Variants in DLG2 observed in about 807,000 individuals in gnomAD.
The protein encoded by DLG2 is discs large MAGUK scaffold protein 2.
DLG2 carries 45 observed loss-of-function variants against 132.5 expected under a neutral mutation model. The ratio of observed to expected loss-of-function variants is 0.34; its 90% confidence interval spans 0.27 to 0.44. The LOEUF (loss-of-function observed/expected upper bound fraction) is 0.44, where lower values mean the gene tolerates loss of function less well. DLG2 is among the 20% of genes least tolerant of loss of function. The pLI is 1.00. For synonymous variants in DLG2, 424 were observed against 419.6 expected, an observed-to-expected ratio of 1.01 and a Z score of -0.13; for missense variants, 1,045 against 1,196.9, an observed-to-expected ratio of 0.87 and a Z score of 1.87.
intron 6 of DLG2, among the ~76,000 whole-genome samples, chr11:84,614,361 G>A (rs549541727): frequency 3.9e-5 from 6 of 152,144 alleles, no homozygotes; most frequent in Non-Finnish European, 8.8e-5. Flanking sequence ...AGAAGAAACC[G>A]TGTGGGCAAA....
chr11:84,545,559 G>T, intron 6 of DLG2: 1 of 385,124 alleles, frequency 2.6e-6, no homozygotes, highest in South Asian at 2.2e-5. Context: ...TGAATTTACT[G>T]AACACTCTTT....
chr11:83,547,373 G>C (rs540585703), intron 19 of DLG2, among the ~76,000 whole-genome samples: 1 of 152,192 alleles, frequency 6.6e-6, no homozygotes, highest in African/African-American at 2.4e-5. Context: ...TAAGGTTAAG[G>C]ATCTTGAGAA....
chr11:83,883,015 G>A (rs1004393073), intron 15 of DLG2, among the ~76,000 whole-genome samples: 7 of 152,086 alleles, frequency 4.6e-5, no homozygotes, highest in African/African-American at 1.4e-4. Flanking sequence ...GTTAAATGAC[G>A]AACATGGCAG....
chr11:84,259,520 A>C (rs2097526691), intron 7 of DLG2, among the ~76,000 whole-genome samples: 1 of 152,118 alleles, frequency 6.6e-6, no homozygotes, highest in African/African-American at 2.4e-5. Flanking sequence ...AGTGCTGAAT[A>C]AACTATGTGA....
intron 19 of DLG2, among the ~76,000 whole-genome samples, chr11:83,545,357 ATAT>A (rs1421228973): frequency 6.6e-6 from 1 of 152,172 alleles, no homozygotes; most frequent in Non-Finnish European, 1.5e-5. Flanking sequence ...TAAATGTAAG[ATAT>A]TATTATAATA....
chr11:83,911,597 G>A (rs2076061178), intron 15 of DLG2, among the ~76,000 whole-genome samples: 1 of 151,984 alleles, frequency 6.6e-6, no homozygotes, highest in Admixed American at 6.6e-5. Flanking sequence ...CATCTCATGT[G>A]TTACTGCTAG....
intron 19 of DLG2, among the ~76,000 whole-genome samples, chr11:83,589,498 C>T (rs1416688694): frequency 6.6e-6 from 1 of 152,006 alleles, no homozygotes; most frequent in Non-Finnish European, 1.5e-5. Context: ...AAGCACTAAA[C>T]ATGGAAAGGA....
At chr11:85,123,168 G>A (rs1391758626) in intron 5 of DLG2, among the ~76,000 whole-genome samples, 1 of 150,728 alleles carries the variant, frequency 6.6e-6, no homozygotes, top group Non-Finnish European at 1.5e-5. Context: ...TAGTGAAAAC[G>A]GGGTTTCACC....
intron 15 of DLG2, among the ~76,000 whole-genome samples, chr11:83,919,684 G>A (rs1462014090): frequency 6.6e-6 from 1 of 152,274 alleles, no homozygotes; most frequent in Admixed American, 6.5e-5. Flanking sequence ...TGAATTTAAT[G>A]CCTGTTTGGG....
chr11:85,063,792 G>A (rs1168307899), intron 6 of DLG2, among the ~76,000 whole-genome samples: 1 of 151,750 alleles, frequency 6.6e-6, no homozygotes, highest in East Asian at 1.9e-4. Flanking sequence ...GCAATGATTT[G>A]TAGTACTTGT....
intron 7 of DLG2, among the ~76,000 whole-genome samples, chr11:84,297,374 G>A (rs1297193503): frequency 6.6e-6 from 1 of 152,032 alleles, no homozygotes; most frequent in Non-Finnish European, 1.5e-5. Context: ...TTTGACTCCA[G>A]GAAGAGATAT....
chr11:85,024,763 C>T (rs1341575444), intron 6 of DLG2, among the ~76,000 whole-genome samples: 1 of 152,184 alleles, frequency 6.6e-6, no homozygotes, highest in Non-Finnish European at 1.5e-5. Context: ...TTTCTGCAAA[C>T]ACTTTTTTTC....
intron 13 of DLG2, among the ~76,000 whole-genome samples, chr11:83,963,576 T>C (rs2089434203): frequency 6.6e-6 from 1 of 151,950 alleles, no homozygotes; most frequent in Non-Finnish European, 1.5e-5. Flanking sequence ...CTCCTTTCTC[T>C]CTCCTCAAAT....
chr11:84,784,264 G>A (rs989122184), intron 6 of DLG2, among the ~76,000 whole-genome samples: 2 of 147,920 alleles, frequency 1.4e-5, no homozygotes, highest in African/African-American at 5.0e-5. Context: ...AGGTTTCAGT[G>A]AGCCGAGATT....
At chr11:84,904,374 A>G (rs1173425129) in intron 6 of DLG2, among the ~76,000 whole-genome samples, 5 of 152,208 alleles carry the variant, frequency 3.3e-5, no homozygotes, top group African/African-American at 9.6e-5. Context: ...GAACAAAATA[A>G]TATTCCAAAA....
chr11:85,415,568 G>A (rs1352955682), intron 3 of DLG2, among the ~76,000 whole-genome samples: 1 of 152,068 alleles, frequency 6.6e-6, no homozygotes, highest in East Asian at 1.9e-4. Context: ...GATGTGAGAT[G>A]GTTTCTCATT....
intron 6 of DLG2, among the ~76,000 whole-genome samples, chr11:84,679,140 A>T (rs2099722384): frequency 6.6e-6 from 1 of 151,206 alleles, no homozygotes; most frequent in African/African-American, 2.4e-5. Flanking sequence ...CAATGACTCC[A>T]ATAATAGTTG....
intron 6 of DLG2, among the ~76,000 whole-genome samples, chr11:84,817,226 T>A (rs2077175685): frequency 6.6e-6 from 1 of 152,048 alleles, no homozygotes; most frequent in South Asian, 2.1e-4. Flanking sequence ...TTGAACTGTT[T>A]GAGTGGCTCA....
Position 84,613,312 on chromosome 11 carries a change from T to C in DLG2, c.358-78581A>G, listed in dbSNP as rs555583866. On this transcript the variant is annotated intron_variant, in intron 6 of 27. Transcript: ENST00000376104. ...ATAACTATATTAGGAAAAGAGTCTC[T>C]GTGATCTAAGTCATCAAGGAGACAC... Among the ~76,000 whole-genome samples the C allele has an allele frequency of 1.8e-4, 28 of 152,268 alleles. 1 individual carries two copies. The highest frequency in any genetic ancestry group is 6.7e-4 in the African/African-American group (28 of 41,562).
Sources: gnomAD v4.1 joint callset for allele counts (sites outside exome capture counted in the v4.1 genomes callset) on GRCh38, gnomAD v4.1.1 for gene constraint, MANE v1.5 for transcripts, NCBI Gene and HGNC (gene_info 2026-07-23, HGNC 2026-07-21) for gene names.